GPC6: variants seen among roughly 807,000 people sequenced by gnomAD.
GPC6 encodes the protein glypican-6.
In GPC6, 14 loss-of-function variants were observed where a neutral mutation model predicts 55.2. That is an observed-to-expected ratio of 0.25 (90% CI 0.17 to 0.40). GPC6 has a LOEUF of 0.40. Ranked by LOEUF, GPC6 falls within the 10% of genes least tolerant of loss-of-function variation. The probability of loss-of-function intolerance (pLI) is 1.00; values close to 1 mark genes in which losing one functional copy is unlikely to be tolerated. For missense variants in GPC6, 641 were observed against 708.5 expected (o/e 0.90, Z 1.08); for synonymous variants, 278 against 259.6 (o/e 1.07, Z -0.68).
intron 2 of GPC6, among the ~76,000 whole-genome samples, chr13:93,696,198 C>A (rs897639921): frequency 2.6e-5 from 4 of 152,072 alleles, no homozygotes; most frequent in African/African-American, 9.7e-5. Context: ...TACGGCTTTT[C>A]AACTGGCAAA....
intron 3 of GPC6, among the ~76,000 whole-genome samples, chr13:94,025,887 A>G (rs533269138): frequency 6.6e-6 from 1 of 152,332 alleles, no homozygotes; most frequent in African/African-American, 2.4e-5. Flanking sequence ...GTATTGAATT[A>G]TCAGGAAAAG....
intron 1 of GPC6, among the ~76,000 whole-genome samples, chr13:93,290,695 T>C (rs1412404220): frequency 6.6e-6 from 1 of 152,114 alleles, no homozygotes; most frequent in Non-Finnish European, 1.5e-5. Context: ...CTGTGAAAAT[T>C]AGTATAACTT....
At chr13:93,704,342 G>A (rs535705064) in intron 2 of GPC6, among the ~76,000 whole-genome samples, 6 of 151,928 alleles carry the variant, frequency 3.9e-5, no homozygotes, top group African/African-American at 9.6e-5. Context: ...AGTTCTGTAC[G>A]ATTTCTTTTT....
chr13:94,110,223 A>G (rs1402020759), intron 4 of GPC6, among the ~76,000 whole-genome samples: 1 of 151,994 alleles, frequency 6.6e-6, no homozygotes, highest in African/African-American at 2.4e-5. Context: ...GGTGACAAAT[A>G]TCTGAGTAAA....
chr13:93,227,186 G>T lies in GPC6; in HGVS notation c.-271G>T. Reference sequence around the variant, plus strand: ...TTCTTTTCCTTCTCTTCCTCGTTTTGATTGCACCGTTTCCATCTGGGGGCT... The same window carrying T: ...TTCTTTTCCTTCTCTTCCTCGTTTTTATTGCACCGTTTCCATCTGGGGGCT... On this transcript the variant is annotated 5_prime_UTR_variant, in exon 1 of 9. Transcript: ENST00000377047. This position sits in a 1 kb window ranked among gnomAD's most constrained non-coding sequence, Gnocchi z 4.3. 2.7e-6 allele frequency: 1 copy of T among 373,084 alleles called. No homozygotes were observed. Among genetic ancestry groups the T allele is most frequent in the Non-Finnish European group, 4.8e-6 (1 of 207,358 alleles). The allele number at this position is 373,084 out of a possible 1,614,324, so 23.1% of individuals were successfully genotyped here.
chr13:94,150,492 C>T (rs1175968779), intron 4 of GPC6, among the ~76,000 whole-genome samples: 1 of 152,058 alleles, frequency 6.6e-6, no homozygotes, highest in Non-Finnish European at 1.5e-5. Flanking sequence ...TCACCTCAAC[C>T]TACCTCCTTC....
intron 2 of GPC6, among the ~76,000 whole-genome samples, chr13:93,707,309 T>G (rs1379162482): frequency 6.6e-6 from 1 of 151,602 alleles, no homozygotes; most frequent in African/African-American, 2.4e-5. Flanking sequence ...ACCTGGGTGA[T>G]GAAATAATCT....
At chr13:94,272,458 CTTTTCTTTTTTTTTTT>C in intron 4 of GPC6, among the ~76,000 whole-genome samples, 1 of 115,410 alleles carries the variant, frequency 8.7e-6, no homozygotes, top group African/African-American at 3.9e-5. Context: ...CTTTTCTTTT[CTTTTCTTTTTTTTTTT>C]TTTTTTTTTT....
At chr13:93,482,553 A>G (rs1879558446) in intron 1 of GPC6, among the ~76,000 whole-genome samples, 1 of 152,138 alleles carries the variant, frequency 6.6e-6, no homozygotes, top group Non-Finnish European at 1.5e-5. Flanking sequence ...ACCTATCATG[A>G]AGAAATAAAG....
intron 7 of GPC6, among the ~76,000 whole-genome samples, chr13:94,389,483 G>A (rs1300978295): frequency 6.6e-6 from 1 of 152,138 alleles, no homozygotes; most frequent in African/African-American, 2.4e-5. Flanking sequence ...AAAAAATAAA[G>A]CCCTAATGGT....
chr13:93,963,871 C>G (rs1266042320), intron 3 of GPC6, among the ~76,000 whole-genome samples: 1 of 152,154 alleles, frequency 6.6e-6, no homozygotes, highest in Non-Finnish European at 1.5e-5. Flanking sequence ...TGAAATCTGG[C>G]TCATGTTCAG....
intron 1 of GPC6, among the ~76,000 whole-genome samples, chr13:93,481,736 C>T (rs769711291): frequency 6.6e-6 from 1 of 151,960 alleles, no homozygotes; most frequent in African/African-American, 2.4e-5. Flanking sequence ...CTTAGCCATA[C>T]GGACAAGGAT....
intron 6 of GPC6, among the ~76,000 whole-genome samples, chr13:94,352,311 A>G (rs1207706909): frequency 6.6e-6 from 1 of 151,134 alleles, no homozygotes; most frequent in Non-Finnish European, 1.5e-5. Flanking sequence ...AAATGCTACA[A>G]CCTCATGGGG....
chr13:93,289,474 G>A (rs1457010801), intron 1 of GPC6, among the ~76,000 whole-genome samples: 1 of 152,090 alleles, frequency 6.6e-6, no homozygotes, highest in Non-Finnish European at 1.5e-5. Context: ...AGTAGTATTA[G>A]GAAAAGTGTC....
intron 1 of GPC6, among the ~76,000 whole-genome samples, chr13:93,506,069 C>T (rs1025424878): frequency 6.6e-6 from 1 of 152,100 alleles, no homozygotes; most frequent in African/African-American, 2.4e-5. Context: ...GACCACTAGG[C>T]TTTGTTTGCT....
At chr13:93,540,099 T>C (rs4123443) in intron 1 of GPC6, among the ~76,000 whole-genome samples, 56,457 of 151,960 alleles carry the variant, frequency 0.37, 12,934 homozygotes, top group Middle Eastern at 0.57. Context: ...TAGTCTTGTC[T>C]GAGGTTGGTA....
At chr13:93,435,328 C>G (rs148923037) in intron 1 of GPC6, among the ~76,000 whole-genome samples, 247 of 152,028 alleles carry the variant, frequency 1.6e-3, no homozygotes, top group African/African-American at 5.8e-3. Flanking sequence ...GTTGCCCAGG[C>G]TGGTCTCAAA....
chr13:93,702,258 C>T (rs930901821), intron 2 of GPC6, among the ~76,000 whole-genome samples: 7 of 152,094 alleles, frequency 4.6e-5, no homozygotes, highest in East Asian at 1.9e-4. Context: ...TAACTAGGTA[C>T]GTTGTCAATA....
At chr13:94,110,176 G>A (rs553564556) in intron 4 of GPC6, among the ~76,000 whole-genome samples, 1 of 151,982 alleles carries the variant, frequency 6.6e-6, no homozygotes, top group African/African-American at 2.4e-5. Context: ...TCAGAGTCCA[G>A]TGGGATACGA....
Sources: gnomAD v4.1 joint callset for allele counts (sites outside exome capture counted in the v4.1 genomes callset) on GRCh38, gnomAD v4.1.1 for gene constraint, Gnocchi (gnomAD v3.1) non-coding constraint, MANE v1.5 for transcripts, NCBI Gene and HGNC (gene_info 2026-07-23, HGNC 2026-07-21) for gene names.